SLC29A4: variants seen among roughly 807,000 people sequenced by gnomAD.
The protein encoded by SLC29A4 is solute carrier family 29 member 4.
SLC29A4 carries 36 observed loss-of-function variants against 43.9 expected under a neutral mutation model. The ratio of observed to expected loss-of-function variants is 0.82; its 90% CI spans 0.63 to 1.08. The LOEUF is 1.08. SLC29A4 is among the 50% of genes least tolerant of loss of function. The pLI is 0.00. For missense variants in SLC29A4, 869 were observed against 755.3 expected, an observed-to-expected ratio of 1.15 and a Z score of -1.77; for synonymous variants, 491 against 338.0, an observed-to-expected ratio of 1.45 and a Z score of -4.97.
intron 1 of SLC29A4, among the ~76,000 whole-genome samples, chr7:5,286,038 A>C (rs1784924102): frequency 6.6e-6 from 1 of 151,712 alleles, no homozygotes; most frequent in Non-Finnish European, 1.5e-5. Flanking sequence ...CAAAAAAATC[A>C]AGGTTCCTCT....
chr7:5,299,215 C>T (rs35644059), intron 8 of SLC29A4, 25 bp from the exon 9 acceptor site: 4 of 1,603,488 alleles, frequency 2.5e-6, no homozygotes, highest in Non-Finnish European at 3.4e-6. Flanking sequence ...GGCGCTGCCT[C>T]TGACCCCCGC....
In SLC29A4 at chr7:5,301,029, C is replaced by T. The variant is rs1447343092; in HGVS notation, c.1450+367C>T. ...ATCCCAGCACTTTGGAAGGGCAAAGCGGGTGGATCACTTGAGCCCAGGAGT... is the reference window on the plus strand; with the variant it reads ...ATCCCAGCACTTTGGAAGGGCAAAGTGGGTGGATCACTTGAGCCCAGGAGT... On this transcript the variant is annotated intron_variant, in intron 10 of 10. Transcript: ENST00000396872. 4.6e-5 allele frequency among the ~76,000 whole-genome samples: 7 copies of T among 152,208 alleles called. No homozygotes were observed. The East Asian group carries it at 9.7e-4, about 21-fold the overall frequency.
chr7:5,290,377 A>T (rs1274757127), intron 2 of SLC29A4, among the ~76,000 whole-genome samples: 1 of 151,734 alleles, frequency 6.6e-6, no homozygotes, highest in Admixed American at 6.6e-5. Flanking sequence ...TTTGTATTTT[A>T]GTAGAGATGG....
intron 5 of SLC29A4, among the ~76,000 whole-genome samples, chr7:5,294,450 C>T (rs1785512381): frequency 6.6e-6 from 1 of 152,256 alleles, no homozygotes; most frequent in African/African-American, 2.4e-5. Context: ...CCTGACTTCT[C>T]ACTTTTGCTG....
chr7:5,290,049 C>T (rs1347931072), intron 2 of SLC29A4, among the ~76,000 whole-genome samples: 1 of 98,248 alleles, frequency 1.0e-5, no homozygotes, highest in African/African-American at 3.5e-5. Context: ...CCATGCCCAG[C>T]TAATTTTTTT....
intron 6 of SLC29A4, among the ~76,000 whole-genome samples, 193 bp from the exon 7 acceptor site, chr7:5,296,743 G>T (rs1785696069): frequency 7.0e-6 from 1 of 142,750 alleles, no homozygotes; most frequent in African/African-American, 2.6e-5. Context: ...GGGCGGGGCC[G>T]GCGGTGATGG....
At chr7:5,292,557 C>T (rs1319772015) in intron 5 of SLC29A4, among the ~76,000 whole-genome samples, 1 of 152,038 alleles carries the variant, frequency 6.6e-6, no homozygotes. Context: ...TAAATTTCTC[C>T]CTAAGTATAT....
At position 5,290,831 on chromosome 7, in the gene SLC29A4, C is replaced by T. The variant is rs745787523; in HGVS notation, c.269C>T (p.Thr90Met). Residue 90 changes from threonine (T) to methionine (M), a missense_variant, in exon 3 of 11, where the codon ACG becomes ATG. Transcript: ENST00000396872. Reference sequence around the variant, plus strand: ...CTGCTGCCATACAACAGCTTCATCACGGACGTGGACTACCTGCATCACAAG... The same window carrying T: ...CTGCTGCCATACAACAGCTTCATCATGGACGTGGACTACCTGCATCACAAG... ...GFLLPYNSFI[T>M]DVDYLHHKYP... The T allele has an allele frequency of 3.7e-5, 59 of 1,613,548 alleles. No homozygotes were observed. The highest frequency in any genetic ancestry group is 1.5e-4 in the African/African-American group (11 of 74,932).
chr7:5,298,149 C>T (rs937061648), intron 7 of SLC29A4, among the ~76,000 whole-genome samples: 2 of 152,184 alleles, frequency 1.3e-5, no homozygotes, highest in Admixed American at 6.5e-5. Context: ...AGTGAGTCAC[C>T]TGGGCCCTTG....
intron 5 of SLC29A4, 47 bp from the exon 6 acceptor site, chr7:5,294,813 C>T (rs754908060): frequency 7.6e-6 from 12 of 1,586,590 alleles, no homozygotes; most frequent in African/African-American, 1.4e-5. Context: ...CCCAAGTTGA[C>T]AGGTGATAAT....
At chr7:5,294,959 GA>G (rs1303479168) in intron 6 of SLC29A4, 25 bp downstream of exon 6, 2 of 1,590,856 alleles carry the variant, frequency 1.3e-6, no homozygotes, top group African/African-American at 2.7e-5. Flanking sequence ...ACCCCCCGGG[GA>G]GGGGGTGCTG....
intron 3 of SLC29A4, 77 bp downstream of exon 3, chr7:5,290,940 G>C: frequency 6.4e-7 from 1 of 1,556,334 alleles, no homozygotes; most frequent in Non-Finnish European, 8.7e-7. Flanking sequence ...ACCCCCGGCG[G>C]GGAGGGTCCT....
rs1226514538 is a variant in SLC29A4, at chr7:5,288,100, G to A, written c.169+115G>A. On this transcript the variant is annotated intron_variant, in intron 2 of 10. Transcript: ENST00000396872. The stretch of plus-strand genomic sequence containing the variant: ...CATGGGTGGTCATGGAGGACTGGAG[G>A]CAGTGCCTGTCAGTGTGGATTAGAT... The A allele has an allele frequency of 6.9e-5, 92 of 1,328,686 alleles. 1 individual carries two copies. The highest frequency in any genetic ancestry group is 9.3e-5 in the Non-Finnish European group (92 of 987,728). The allele number at this position is 1,328,686 out of a possible 1,614,324, so 82.3% of individuals were successfully genotyped here.
intron 2 of SLC29A4, among the ~76,000 whole-genome samples, 158 bp downstream of exon 2, chr7:5,288,143 C>T (rs1261728849): frequency 6.6e-5 from 10 of 152,146 alleles, no homozygotes; most frequent in South Asian, 2.1e-4. Context: ...ATAACAAACA[C>T]GCCCACCTTC....
At position 5,303,180 on chromosome 7, in the gene SLC29A4, G is replaced by T; in HGVS notation, c.*241G>T. On this transcript the variant is annotated 3_prime_UTR_variant, in exon 11 of 11. Coordinates refer to ENST00000396872, the MANE Select transcript of SLC29A4 (RefSeq NM_153247.4). ...TGGCCAGCACTGTGTTCTGCGTTTG[G>T]TCTCATACCTGCGTCTACCTTCCAT... 1.7e-6 allele frequency: 1 copy of T among 584,728 alleles called. No homozygotes were observed. Among genetic ancestry groups the T allele is most frequent in the Non-Finnish European group, 3.0e-6 (1 of 331,136 alleles). The allele number at this position is 584,728 out of a possible 1,614,324, so 36.2% of individuals were successfully genotyped here.
At chr7:5,291,060 C>G in intron 3 of SLC29A4, 64 bp from the exon 4 acceptor site, 1 of 1,585,974 alleles carries the variant, frequency 6.3e-7, no homozygotes. Flanking sequence ...GAGGTCTCAC[C>G]TGGCAGGAGT....
chr7:5,298,996 A>G lies in SLC29A4; in HGVS notation c.891A>G (p.Pro297=). Residue 297 remains proline, a synonymous_variant, in exon 8 of 11, where the codon CCA becomes CCG. Coordinates refer to ENST00000396872, the MANE Select transcript of SLC29A4 (RefSeq NM_153247.4). The stretch of plus-strand genomic sequence containing the variant: ...CTCCATCCTCCCTCCAGGAGCACCC[A>G]GCCCCGGCCCTGGCCCCCAACGAGT... ...VVAGDVHFEH[P]APALAPNESP... The G allele has an allele frequency of 6.2e-7, 1 of 1,609,298 alleles. No homozygotes were observed. Among genetic ancestry groups the G allele is most frequent in the Non-Finnish European group, 8.5e-7 (1 of 1,179,560 alleles).
chr7:5,283,050 C>A lies in SLC29A4; in HGVS notation c.-41C>A, dbSNP rs1005945458. 5 of 145,890 alleles carry A rather than the reference C, an allele frequency of 3.4e-5. No individual in the cohort carries two copies. Among genetic ancestry groups the A allele is most frequent in the Non-Finnish European group, 7.6e-5 (5 of 65,586 alleles). The allele number at this position is 145,890 out of a possible 1,614,324, so 9.0% of individuals were successfully genotyped here. A position where few individuals can be genotyped will look rare whatever the true frequency, so the allele number is the denominator to read the frequency against. ...TGGGGGAGCGGGGCGGCGTGGCGGGCGCGCCGAGGACCCCAGGCCGGGCCG... is the reference window on the plus strand; with the variant it reads ...TGGGGGAGCGGGGCGGCGTGGCGGGAGCGCCGAGGACCCCAGGCCGGGCCG... On this transcript the variant is annotated 5_prime_UTR_variant, in exon 1 of 11. Transcript: ENST00000396872.
At chr7:5,302,628 T>G (rs1333503010) in intron 10 of SLC29A4, among the ~76,000 whole-genome samples, 169 bp from the exon 11 acceptor site, 4 of 151,972 alleles carry the variant, frequency 2.6e-5, no homozygotes, top group Non-Finnish European at 5.9e-5. Flanking sequence ...GAAGAAGGAA[T>G]GAGGAAGGAC....
Sources: gnomAD v4.1 joint callset for allele counts (sites outside exome capture counted in the v4.1 genomes callset) on GRCh38, gnomAD v4.1.1 for gene constraint, MANE v1.5 for transcripts, NCBI Gene and HGNC (gene_info 2026-07-23, HGNC 2026-07-21) for gene names.